SPAG17: variants seen among roughly 807,000 people sequenced by gnomAD.
SPAG17 encodes the protein sperm associated antigen 17.
A neutral mutation model predicts 273.6 loss-of-function variants in SPAG17; 169 were observed. The observed-to-expected ratio is 0.62, with a 90% CI of 0.55 to 0.70. The LOEUF is 0.70. Among genes scored for constraint, SPAG17 ranks in the 30% least tolerant of loss-of-function variants. The pLI is 0.00. For missense variants in SPAG17, 2,557 were observed against 2,627.8 expected, an observed-to-expected ratio of 0.97 and a Z score of 0.59; for synonymous variants, 825 against 873.2, an observed-to-expected ratio of 0.94 and a Z score of 0.97.
Position 118,115,386 on chromosome 1 carries a change from A to G in SPAG17, c.371T>C (p.Leu124Pro). 6.2e-7 allele frequency: 1 copy of G among 1,613,692 alleles called. No individual in the cohort carries two copies. Among genetic ancestry groups the G allele is most frequent in the Non-Finnish European group, 8.5e-7 (1 of 1,179,634 alleles). ...MDSGEKLTLP[L>P]IGKLLKFQLL... Reference sequence around the variant, plus strand: ...TTGAAATTTCAAGAGTTTCCCTATCAGTGGTAAGGTTAATTTCTCTCCACT... The same window carrying G: ...TTGAAATTTCAAGAGTTTCCCTATCGGTGGTAAGGTTAATTTCTCTCCACT... The change falls in exon 4 of 49, where the codon CTG (leucine) becomes CCG (proline). Residue 124 changes from leucine to proline, a missense_variant. Leu to Pro is a moderately conservative substitution (Grantham distance 98). Coordinates refer to ENST00000336338, the MANE Select transcript of SPAG17 (RefSeq NM_206996.4).
At chr1:118,074,703 G>C (rs1653931392) in intron 15 of SPAG17, 103 bp from the exon 16 acceptor site, 1 of 1,050,302 alleles carries the variant, frequency 9.5e-7, no homozygotes, top group Non-Finnish European at 1.4e-6. Flanking sequence ...ATGTTTCTGT[G>C]CTGAAAAGGC....
intron 3 of SPAG17, among the ~76,000 whole-genome samples, chr1:118,122,310 C>T (rs1027437487): frequency 1.3e-5 from 2 of 152,204 alleles, no homozygotes; most frequent in Admixed American, 6.5e-5. Context: ...GATGTTCTCA[C>T]ATAAGATTCC....
intron 30 of SPAG17, among the ~76,000 whole-genome samples, chr1:118,011,489 C>T (rs1048832154): frequency 6.6e-6 from 1 of 152,076 alleles, no homozygotes; most frequent in Non-Finnish European, 1.5e-5. Flanking sequence ...CCAAATACCG[C>T]TTCATCTCAC....
chr1:118,035,256 A>T (rs1328347153), intron 24 of SPAG17, among the ~76,000 whole-genome samples: 1 of 152,202 alleles, frequency 6.6e-6, no homozygotes, highest in Non-Finnish European at 1.5e-5. Context: ...CATAACTTGA[A>T]ATTAGGAACA....
chr1:118,037,420 G>A (rs1167879598), intron 23 of SPAG17, among the ~76,000 whole-genome samples: 3 of 151,986 alleles, frequency 2.0e-5, no homozygotes, highest in Admixed American at 1.3e-4. Flanking sequence ...CATGTCACTG[G>A]GGTTTGGTGT....
At chr1:118,008,331 A>G (rs907387593) in intron 30 of SPAG17, 133 bp from the exon 31 acceptor site, 7 of 978,146 alleles carry the variant, frequency 7.2e-6, no homozygotes, top group Admixed American at 2.3e-5. Flanking sequence ...TAAAGTCTAG[A>G]GCAAGTACTG....
At chr1:118,074,731 T>A in intron 15 of SPAG17, 131 bp from the exon 16 acceptor site, 1 of 768,600 alleles carries the variant, frequency 1.3e-6, no homozygotes, top group Non-Finnish European at 2.2e-6. Context: ...GAAAGGCATG[T>A]TTTGTGCCTC....
chr1:117,981,134 G>GCAT (rs771950879), intron 43 of SPAG17, 136 bp downstream of exon 43: 4 of 852,536 alleles, frequency 4.7e-6, no homozygotes, highest in Non-Finnish European at 6.9e-6. Flanking sequence ...TTGCAAAGCT[G>GCAT]CATAGCTCCA....
At chr1:118,139,436 A>G (rs916990728) in intron 3 of SPAG17, among the ~76,000 whole-genome samples, 4 of 152,220 alleles carry the variant, frequency 2.6e-5, no homozygotes, top group Non-Finnish European at 5.9e-5. Context: ...TAGAATTACT[A>G]TATGATCCAG....
intron 46 of SPAG17, 32 bp from the exon 47 acceptor site, chr1:117,966,785 C>G (rs776094646): frequency 6.4e-7 from 1 of 1,562,024 alleles, no homozygotes; most frequent in African/African-American, 1.4e-5. Context: ...TAGGACCAGA[C>G]AACTCTGAGT....
chr1:117,994,500 A>G lies in SPAG17; in HGVS notation c.5084T>C (p.Phe1695Ser). The change falls in exon 35 of 49, where the codon TTC (phenylalanine) becomes TCC (serine). Residue 1695 changes from phenylalanine to serine, a missense_variant. By Grantham distance (155) the Phe-to-Ser change is radical. Coordinates refer to ENST00000336338, the MANE Select transcript of SPAG17 (RefSeq NM_206996.4). The part of the protein sequence containing the change: ...GTLTITVLRP[F>S]HEASPWQVKK... ...TACTTGCCATGGTGATGCTTCATGG[A>G]AAGGGCGAAGGACTGTGATGGTTAG... 1 of 1,612,712 alleles carries G rather than the reference A, an allele frequency of 6.2e-7. No homozygotes were observed. Among genetic ancestry groups the G allele is most frequent in the Admixed American group, 1.7e-5 (1 of 59,888 alleles).
At chr1:117,969,062 A>AC (rs775303154) in intron 46 of SPAG17, among the ~76,000 whole-genome samples, 85 of 152,330 alleles carry the variant, frequency 5.6e-4, no homozygotes, top group Non-Finnish European at 1.0e-3. Flanking sequence ...CAGATGATGC[A>AC]CTGATAAAGA....
At position 118,031,731 on chromosome 1, in the gene SPAG17, G is replaced by A. The variant is rs772078842; in HGVS notation, c.3570C>T (p.Ser1190=). The A allele has an allele frequency of 4.3e-6, 7 of 1,613,678 alleles. No homozygotes were observed. Among genetic ancestry groups the A allele is most frequent in the Non-Finnish European group, 5.9e-6 (7 of 1,179,814 alleles). ...KIKGKEKPKE[S]LKEEEHPKEE... ...CTTTTGGGTGTTCTTCTTCTTTAAG[G>A]GATTCTTTGGGTTTTTCTTTGCCTT... Residue 1190 remains serine (S), a synonymous_variant, in exon 25 of 49, where the codon TCC becomes TCT. Coordinates refer to ENST00000336338, the MANE Select transcript of SPAG17 (RefSeq NM_206996.4).
rs767457331 is a variant in SPAG17 at position 118,039,325 on chromosome 1, C to G, written c.3286G>C (p.Glu1096Gln). 17 of 1,613,222 alleles carry G rather than the reference C, an allele frequency of 1.1e-5. No homozygotes were observed. In the East Asian group the frequency reaches 3.3e-4, roughly 32 times the overall value. ...AGACTTTGTTCCTCATCTCCTTCTT[C>G]TTCCTCTTCTAAATAATAATCCCCT... ...EKGDYYLEEE[E>Q]EGDEEQSLET... is the part of the protein sequence containing the mutation. Residue 1096 changes from glutamate (E) to glutamine (Q), a missense_variant, in exon 23 of 49, where the codon GAA becomes CAA. Physicochemically the swap from Glu to Gln is conservative, Grantham distance 29. Transcript: ENST00000336338.
intron 3 of SPAG17, among the ~76,000 whole-genome samples, chr1:118,140,297 G>A (rs995371780): frequency 2.0e-5 from 3 of 152,076 alleles, no homozygotes; most frequent in African/African-American, 7.2e-5. Flanking sequence ...ACAGTGTAGT[G>A]ACTATAGTTA....
At chr1:118,155,048 T>G (rs1659578656) in intron 1 of SPAG17, among the ~76,000 whole-genome samples, 1 of 152,140 alleles carries the variant, frequency 6.6e-6, no homozygotes. Context: ...CAGCTGTCTA[T>G]GACCTGGAGG....
chr1:118,001,639 T>G (rs569262832), intron 32 of SPAG17, among the ~76,000 whole-genome samples: 1 of 152,358 alleles, frequency 6.6e-6, no homozygotes, highest in Non-Finnish European at 1.5e-5. Flanking sequence ...TGATGGTAGT[T>G]TGTATTTCTG....
intron 48 of SPAG17, among the ~76,000 whole-genome samples, chr1:117,958,413 A>C (rs1652532507): frequency 6.6e-6 from 1 of 152,214 alleles, no homozygotes; most frequent in South Asian, 2.1e-4. Context: ...TAACACTGTG[A>C]ATACTTATAG....
rs956315372 is a variant in SPAG17 at position 117,996,104 on chromosome 1, T to C, written c.5053+266A>G. 5.3e-5 allele frequency among the ~76,000 whole-genome samples: 8 copies of C among 152,114 alleles called. No individual in the cohort carries two copies. In the East Asian group the frequency reaches 7.7e-4, roughly 15 times the overall value. On this transcript the variant is annotated intron_variant, in intron 34 of 48. Transcript: ENST00000336338. ...GTACATACCTAAACACAGATACAAATCTGCGTATAGGAGAAGAGGGATACA... is the reference window on the plus strand; with the variant it reads ...GTACATACCTAAACACAGATACAAACCTGCGTATAGGAGAAGAGGGATACA...
Sources: gnomAD v4.1 joint callset for allele counts (sites outside exome capture counted in the v4.1 genomes callset) on GRCh38, gnomAD v4.1.1 for gene constraint, MANE v1.5 for transcripts, NCBI Gene and HGNC (gene_info 2026-07-23, HGNC 2026-07-21) for gene names.